SLC25A29: variants seen among roughly 807,000 people sequenced by gnomAD.
SLC25A29 encodes the protein mitochondrial basic amino acids transporter.
SLC25A29 carries 13 observed loss-of-function variants against 10.0 expected under a neutral mutation model. The observed-to-expected ratio is 1.30, with a 90% confidence interval of 0.85 to 2.07. The LOEUF (loss-of-function observed/expected upper bound fraction) is 2.07, where lower values mean the gene tolerates loss of function less well. SLC25A29 is among the 30% of genes most tolerant of loss of function. The pLI is 0.00. For synonymous variants in SLC25A29, 244 were observed against 221.1 expected (o/e 1.10, Z -0.92); for missense variants, 475 against 447.6 (o/e 1.06, Z -0.55).
the SLC25A29 span, chr14:100,278,626 A>T: frequency 6.6e-6 from 1 of 152,252 alleles, no homozygotes; most frequent in African/African-American, 2.4e-5. Context: ...GATGAAAGCG[A>T]TGCATGGATA....
chr14:100,292,472 GGCGCGGTA>G lies in SLC25A29; in HGVS notation c.715_722del (p.Tyr239ArgfsTer81). ...CCCGTGTGAAGACGCGCCAGCCCTC[GGCGCGGTA>G]GCTCTGGTGCACGCAGTCCAGGATG... On this transcript the variant is annotated frameshift_variant, in exon 4 of 4. Transcript: ENST00000359232. LOFTEE classifies it low-confidence loss of function (END_TRUNC). 6.3e-7 allele frequency: 1 copy of G among 1,581,744 alleles called. No individual in the cohort carries two copies. Among genetic ancestry groups the G allele is most frequent in the South Asian group, 1.1e-5 (1 of 87,310 alleles).
At chr14:100,284,065 A>G in the SLC25A29 span, among the ~76,000 whole-genome samples, 2 of 152,046 alleles carry the variant, frequency 1.3e-5, no homozygotes, top group African/African-American at 4.8e-5. Context: ...TTGAGAACAC[A>G]TATGTACCCA....
At chr14:100,303,834 A>C (rs1379340373) in intron 1 of SLC25A29, among the ~76,000 whole-genome samples, 2 of 152,056 alleles carry the variant, frequency 1.3e-5, no homozygotes, top group African/African-American at 4.8e-5. Flanking sequence ...CTGGTAGCAG[A>C]GGTAGTGGAA....
At chr14:100,304,503 A>T (rs1338615841) in intron 1 of SLC25A29, among the ~76,000 whole-genome samples, 5 of 152,164 alleles carry the variant, frequency 3.3e-5, no homozygotes, top group Admixed American at 2.0e-4. Flanking sequence ...GCTCAGGCTT[A>T]CGCTTGTAGA....
intron 1 of SLC25A29, among the ~76,000 whole-genome samples, chr14:100,302,174 T>TTTC: frequency 6.6e-6 from 1 of 151,608 alleles, no homozygotes; most frequent in Non-Finnish European, 1.5e-5. Flanking sequence ...GCCTCCCGAA[T>TTTC]AGCTGGAATT....
intron 1 of SLC25A29, among the ~76,000 whole-genome samples, chr14:100,302,209 C>A (rs1304540983): frequency 6.6e-6 from 1 of 151,700 alleles, no homozygotes; most frequent in Non-Finnish European, 1.5e-5. Context: ...CCACACCCGG[C>A]TAATTTTTGT....
At chr14:100,296,760 G>A (rs925760832) in intron 2 of SLC25A29, among the ~76,000 whole-genome samples, 9 of 150,270 alleles carry the variant, frequency 6.0e-5, no homozygotes, top group South Asian at 2.2e-4. Flanking sequence ...CACCACGCCC[G>A]GCTAATTTTT....
downstream of SLC25A29, among the ~76,000 whole-genome samples, chr14:100,290,592 C>G (rs1468775104): frequency 6.6e-6 from 1 of 152,226 alleles, no homozygotes; most frequent in Non-Finnish European, 1.5e-5. Context: ...ATGCCAAGGG[C>G]TGACTCCAGG....
chr14:100,305,220 G>A (rs1397851727), intron 1 of SLC25A29: 4 of 151,666 alleles, frequency 2.6e-5, no homozygotes, highest in African/African-American at 4.8e-5. Flanking sequence ...TAATACTTAA[G>A]GCCACCGCTA....
chr14:100,280,031 C>T, the SLC25A29 span: 1 of 152,254 alleles, frequency 6.6e-6, no homozygotes, highest in Non-Finnish European at 1.5e-5. Context: ...CACGTCTTCT[C>T]AGTCTGCAGA....
At chr14:100,301,859 C>T (rs867293379) in intron 1 of SLC25A29, among the ~76,000 whole-genome samples, 4 of 151,918 alleles carry the variant, frequency 2.6e-5, no homozygotes, top group Non-Finnish European at 4.4e-5. Flanking sequence ...GGGTAAGCAC[C>T]GCCTCCCCCA....
At chr14:100,293,180 C>A in intron 3 of SLC25A29, 114 bp downstream of exon 3, 1 of 1,468,154 alleles carries the variant, frequency 6.8e-7, no homozygotes, top group Non-Finnish European at 9.2e-7. Flanking sequence ...TCCTGACTGG[C>A]CTCCTGGTCG....
rs779962257 is a variant in SLC25A29 at position 100,292,462 on chromosome 14, G to A, written c.733C>T (p.Arg245Cys). 2.0e-5 allele frequency: 31 copies of A among 1,579,886 alleles called. No individual in the cohort carries two copies. In the South Asian group the frequency reaches 2.4e-4, roughly 12 times the overall value. Residue 245 changes from arginine to cysteine, a missense_variant, in exon 4 of 4, where the codon CGC becomes TGC. Coordinates refer to ENST00000359232, the MANE Select transcript of SLC25A29 (RefSeq NM_001039355.3). ...VHQSYRAEGWRVFTRGLASTL... is the reference protein window; with the variant it reads ...VHQSYRAEGWCVFTRGLASTL... ...GACGCCAGCCCCCGTGTGAAGACGC[G>A]CCAGCCCTCGGCGCGGTAGCTCTGG...
chr14:100,299,602 C>T (rs1274475332), intron 1 of SLC25A29: 2 of 985,658 alleles, frequency 2.0e-6, no homozygotes, highest in African/African-American at 3.5e-5. Context: ...GACAAAGGTT[C>T]ACCCCTCCAA....
intron 2 of SLC25A29, chr14:100,294,668 G>A (rs937425635): frequency 1.1e-4 from 16 of 152,208 alleles, no homozygotes; most frequent in African/African-American, 3.9e-4. Flanking sequence ...GAGTGAGGGT[G>A]GGAGGGAGTG....
chr14:100,285,150 C>T, the SLC25A29 span, among the ~76,000 whole-genome samples: 1 of 151,980 alleles, frequency 6.6e-6, no homozygotes, highest in Non-Finnish European at 1.5e-5. Context: ...CTGCCACGTG[C>T]GTCTGTACCG....
rs780243053 is a variant in SLC25A29 at position 100,292,573 on chromosome 14, A to G, written c.622T>C (p.Tyr208His). ...CGCGACTTGACCACGTCCACAGGAT[A>G]GGTAGAGAGCCAGGACACGATGCCT... Reference protein sequence around the residue: ...TSGIVSWLSTYPVDVVKSRLQ... With the variant: ...TSGIVSWLSTHPVDVVKSRLQ... Residue 208 changes from tyrosine to histidine, a missense_variant, in exon 4 of 4, where the codon TAT (tyrosine) becomes CAT (histidine). By Grantham distance (83) the Tyr-to-His change is moderately conservative (BLOSUM62 2). Coordinates refer to ENST00000359232, the MANE Select transcript of SLC25A29 (RefSeq NM_001039355.3). The G allele has an allele frequency of 1.9e-6, 3 of 1,603,660 alleles. No homozygotes were observed. In the Admixed American group the frequency reaches 5.1e-5, roughly 27 times the overall value.
Position 100,292,169 on chromosome 14 carries a change from G to C in SLC25A29, c.*114C>G. On this transcript the variant is annotated 3_prime_UTR_variant, in exon 4 of 4. Coordinates refer to ENST00000359232, the MANE Select transcript of SLC25A29 (RefSeq NM_001039355.3). ...GATCAGCAAAATTCAGCCCACGTCTGATAGACTCCACAGCTCGCAGCATCC... is the reference window on the plus strand; with the variant it reads ...GATCAGCAAAATTCAGCCCACGTCTCATAGACTCCACAGCTCGCAGCATCC... The C allele has an allele frequency of 7.1e-7, 1 of 1,400,204 alleles. No individual in the cohort carries two copies. Among genetic ancestry groups the C allele is most frequent in the South Asian group, 1.2e-5 (1 of 80,826 alleles). The allele number at this position is 1,400,204 out of a possible 1,614,324, so 86.7% of individuals were successfully genotyped here. A position where few individuals can be genotyped will look rare whatever the true frequency, so the allele number is the denominator to read the frequency against.
intron 2 of SLC25A29, 166 bp downstream of exon 2, chr14:100,298,676 G>C: frequency 1.2e-6 from 1 of 858,796 alleles, no homozygotes; most frequent in Non-Finnish European, 1.9e-6. Context: ...ATCAGCCCCA[G>C]CTGGGAGATG....
Sources: gnomAD v4.1 joint callset for allele counts (sites outside exome capture counted in the v4.1 genomes callset) on GRCh38, gnomAD v4.1.1 for gene constraint, MANE v1.5 for transcripts, NCBI Gene and HGNC (gene_info 2026-07-23, HGNC 2026-07-21) for gene names.